The following MGAT4C variants were observed in gnomAD, a reference collection of about 807,000 sequenced individuals.
The protein encoded by MGAT4C is MGAT4 family member C.
MGAT4C carries 19 observed loss-of-function variants against 40.1 expected under a neutral mutation model. That is an observed-to-expected ratio of 0.47 (90% CI 0.33 to 0.70). The LOEUF (loss-of-function observed/expected upper bound fraction) is 0.70, where lower values mean the gene tolerates loss of function less well. Among genes scored for constraint, MGAT4C ranks in the 30% least tolerant of loss-of-function variants. The probability of loss-of-function intolerance (pLI) is 0.02; values close to 1 mark genes in which losing one functional copy is unlikely to be tolerated. For synonymous variants in MGAT4C, 181 were observed against 187.1 expected (o/e 0.97, Z 0.27); for missense variants, 491 against 563.2 (o/e 0.87, Z 1.30).
chr12:85,998,970 T>G (rs1407160920), intron 2 of MGAT4C, among the ~76,000 whole-genome samples: 1 of 152,180 alleles, frequency 6.6e-6, no homozygotes, highest in Non-Finnish European at 1.5e-5. Flanking sequence ...AAGACATACC[T>G]GAGACTGGGC....
chr12:86,610,171 T>C lies in MGAT4C; in HGVS notation c.-229+117038A>G, dbSNP rs139178926. ...AACAAATGCCACAATTTGTGATTGA[T>C]TTAAAAGGTTTTGTAAAGGTGGTCG... On this transcript the variant is annotated intron_variant, in intron 2 of 7. Coordinates refer to the MGAT4C transcript ENST00000548651. Among the ~76,000 whole-genome samples the C allele has an allele frequency of 3.1e-3, 469 of 152,286 alleles. 2 individuals are homozygous for C. The highest frequency in any genetic ancestry group is 0.011 in the African/African-American group (455 of 41,576).
chr12:85,989,293 T>C (rs553195456), intron 3 of MGAT4C, 107 bp downstream of exon 3: 2 of 1,119,392 alleles, frequency 1.8e-6, no homozygotes, highest in African/African-American at 3.2e-5. Flanking sequence ...TTGCTCAAAC[T>C]AAGTCTTCTC....
At position 85,978,156 on chromosome 12, in the gene MGAT4C, C is replaced by T. The variant is rs1884151119; in HGVS notation, c.*1133G>A. The T allele has an allele frequency of 6.6e-6, 1 of 151,448 alleles. No individual in the cohort carries two copies. The highest frequency in any genetic ancestry group is 6.6e-5 in the Admixed American group (1 of 15,156). The allele number at this position is 151,448 out of a possible 1,614,324, so 9.4% of individuals were successfully genotyped here. ...AATATTATTTATGCAGGAATTGTAC[C>T]ACCTATTTCCAGATGGTATAACTTA... On this transcript the variant is annotated 3_prime_UTR_variant, in exon 5 of 5. Transcript: ENST00000611864.
At chr12:86,751,141 A>G (rs1951226406) in intron 1 of MGAT4C, among the ~76,000 whole-genome samples, 1 of 152,006 alleles carries the variant, frequency 6.6e-6, no homozygotes, top group Non-Finnish European at 1.5e-5. Flanking sequence ...GGTTTGAAAA[A>G]TAGTTCCAAC....
chr12:86,780,721 G>A (rs576734003), intron 1 of MGAT4C, among the ~76,000 whole-genome samples: 1 of 152,110 alleles, frequency 6.6e-6, no homozygotes, highest in Non-Finnish European at 1.5e-5. Flanking sequence ...GTGTGAGAAA[G>A]AACTAATACA....
intron 4 of MGAT4C, among the ~76,000 whole-genome samples, chr12:86,271,584 G>T (rs1422911991): frequency 1.3e-5 from 2 of 152,118 alleles, no homozygotes; most frequent in African/African-American, 2.4e-5. Flanking sequence ...TATTAAAACA[G>T]TATAGAGATT....
intron 3 of MGAT4C, among the ~76,000 whole-genome samples, chr12:86,393,782 A>G (rs919412772): frequency 2.3e-5 from 2 of 86,514 alleles, no homozygotes; most frequent in African/African-American, 6.6e-5. Flanking sequence ...GTGATTAGCC[A>G]TAGGCATTTA....
intron 1 of MGAT4C, among the ~76,000 whole-genome samples, chr12:86,163,446 C>T (rs970040781): frequency 2.6e-5 from 4 of 152,130 alleles, no homozygotes; most frequent in African/African-American, 9.7e-5. Flanking sequence ...CCCACCTCAG[C>T]CTCCAAAACT....
intron 1 of MGAT4C, among the ~76,000 whole-genome samples, chr12:86,819,117 A>G: frequency 6.6e-6 from 1 of 150,996 alleles, no homozygotes; most frequent in Admixed American, 6.6e-5. Flanking sequence ...GAAATTGCAT[A>G]TTTTTATTTA....
In MGAT4C at chr12:86,789,703, C is replaced by G. The variant is rs567290391; in HGVS notation, c.-262+48963G>C. On this transcript the variant is annotated intron_variant, in intron 1 of 7. Transcript: ENST00000548651. Reference sequence around the variant, plus strand: ...GATGACATGTGTTAAAGGATTTGCACTATTTATAACAATATAATTGTGTGC... The same window carrying G: ...GATGACATGTGTTAAAGGATTTGCAGTATTTATAACAATATAATTGTGTGC... Among the ~76,000 whole-genome samples the G allele has an allele frequency of 9.2e-5, 14 of 152,148 alleles. No individual in the cohort carries two copies. The South Asian group carries it at 2.7e-3, about 29-fold the overall frequency.
chr12:86,767,642 G>C (rs562657844), intron 1 of MGAT4C, among the ~76,000 whole-genome samples: 87 of 152,286 alleles, frequency 5.7e-4, no homozygotes, highest in African/African-American at 2.0e-3. Context: ...ACCGAATCCA[G>C]CAGCACATCA....
At chr12:86,425,720 C>T (rs1956913124) in intron 3 of MGAT4C, among the ~76,000 whole-genome samples, 1 of 152,116 alleles carries the variant, frequency 6.6e-6, no homozygotes. Context: ...TTGCACCAGC[C>T]AGCAAAGGAA....
intron 2 of MGAT4C, among the ~76,000 whole-genome samples, chr12:86,524,555 C>T (rs1283507764): frequency 6.6e-6 from 1 of 152,040 alleles, no homozygotes; most frequent in African/African-American, 2.4e-5. Context: ...TAGGGTTAGT[C>T]TTCTCATGGA....
chr12:86,811,333 A>C (rs955536860), intron 1 of MGAT4C, among the ~76,000 whole-genome samples: 1 of 135,010 alleles, frequency 7.4e-6, no homozygotes, highest in Non-Finnish European at 1.6e-5. Flanking sequence ...AGGCACTCAT[A>C]GTATTTTTTT....
chr12:86,150,988 G>A (rs1016167881), intron 1 of MGAT4C, among the ~76,000 whole-genome samples: 2 of 152,198 alleles, frequency 1.3e-5, no homozygotes, highest in African/African-American at 2.4e-5. Context: ...TGCAATGCCA[G>A]TGCAATTGAA....
At chr12:86,479,249 G>A (rs1957892966) in intron 2 of MGAT4C, among the ~76,000 whole-genome samples, 1 of 151,960 alleles carries the variant, frequency 6.6e-6, no homozygotes, top group South Asian at 2.1e-4. Flanking sequence ...AGGAGAGCCT[G>A]CCAATATAAA....
intron 1 of MGAT4C, among the ~76,000 whole-genome samples, chr12:86,804,069 T>C (rs1057448235): frequency 2.0e-5 from 3 of 147,466 alleles, no homozygotes; most frequent in Non-Finnish European, 4.5e-5. Flanking sequence ...ATATACACCA[T>C]GGAATACTAT....
At chr12:86,181,109 G>A (rs1312929995) in intron 1 of MGAT4C, among the ~76,000 whole-genome samples, 4 of 152,112 alleles carry the variant, frequency 2.6e-5, no homozygotes, top group Admixed American at 2.6e-4. Flanking sequence ...GATCGTATCA[G>A]TTAATCAGGT....
At chr12:86,452,199 T>C (rs2136288017) in intron 2 of MGAT4C, among the ~76,000 whole-genome samples, 1 of 149,986 alleles carries the variant, frequency 6.7e-6, no homozygotes, top group African/African-American at 2.5e-5. Flanking sequence ...TTTTTTTTCT[T>C]TTTTTTTTAT....
Sources: gnomAD v4.1 joint callset for allele counts (sites outside exome capture counted in the v4.1 genomes callset) on GRCh38, gnomAD v4.1.1 for gene constraint, MANE v1.5 for transcripts, NCBI Gene and HGNC (gene_info 2026-07-23, HGNC 2026-07-21) for gene names.